TRAK1: variants seen among roughly 807,000 people sequenced by gnomAD.
TRAK1 encodes the protein trafficking kinesin-binding protein 1.
Under a neutral mutation model 92.1 loss-of-function variants are expected in TRAK1, and 33 were observed. The ratio of observed to expected loss-of-function variants is 0.36; its 90% CI spans 0.27 to 0.48. The LOEUF (loss-of-function observed/expected upper bound fraction) is 0.48, where lower values mean the gene tolerates loss of function less well. Ranked by LOEUF, TRAK1 falls within the 20% of genes least tolerant of loss-of-function variation. The pLI is 0.99. For missense variants in TRAK1, 1,123 were observed against 1,257.9 expected, an observed-to-expected ratio of 0.89 and a Z score of 1.62; for synonymous variants, 521 against 517.3, an observed-to-expected ratio of 1.01 and a Z score of -0.10.
chr3:42,058,112 A>G (rs1703272849), intron 1 of TRAK1, among the ~76,000 whole-genome samples: 1 of 152,108 alleles, frequency 6.6e-6, no homozygotes, highest in African/African-American at 2.4e-5. Context: ...CACAGTGGGC[A>G]TTTCATTGGG....
intron 2 of TRAK1, among the ~76,000 whole-genome samples, chr3:42,158,833 C>G (rs946087107): frequency 6.7e-6 from 1 of 149,456 alleles, no homozygotes; most frequent in Non-Finnish European, 1.5e-5. Flanking sequence ...GTGGCAGGTA[C>G]CTGTAGTCCC....
At chr3:42,030,553 A>G (rs139581646) in intron 1 of TRAK1, among the ~76,000 whole-genome samples, 10,957 of 148,992 alleles carry the variant, frequency 0.074, 475 homozygotes, top group Middle Eastern at 0.21. Context: ...TATGCCTGTA[A>G]TCCCAGCTAT....
intron 2 of TRAK1, among the ~76,000 whole-genome samples, chr3:42,166,591 C>G (rs1701900909): frequency 6.6e-6 from 1 of 152,194 alleles, no homozygotes; most frequent in Non-Finnish European, 1.5e-5. Flanking sequence ...TGAAATAATA[C>G]TTGTAAAATG....
At position 42,108,492 on chromosome 3, in the gene TRAK1, TAAAAAAAAA is replaced by T. The variant is rs10578367; in HGVS notation, c.92-16914_92-16906del. On this transcript the variant is annotated intron_variant, in intron 1 of 15. Coordinates refer to ENST00000327628, the MANE Select transcript of TRAK1 (RefSeq NM_001042646.3). ...GGTGACAGGAGTGAGACCCTGCCTT[TAAAAAAAAA>T]AAAAAAAAAAAAAGATTCAAACATT... Among the ~76,000 whole-genome samples, 19 of 120,234 alleles carry T rather than the reference TAAAAAAAAA, an allele frequency of 1.6e-4. No individual in the cohort carries two copies. In the South Asian group the frequency reaches 2.3e-3, roughly 14 times the overall value. The allele number at this position is 120,234 out of a possible 152,430, so 78.9% of individuals were successfully genotyped here. A position where few individuals can be genotyped will look rare whatever the true frequency, so the allele number is the denominator to read the frequency against.
At position 42,111,404 on chromosome 3, in the gene TRAK1, T is replaced by C. The variant is rs542080142; in HGVS notation, c.92-14016T>C. ...GATTAGAAGTTATGATAATCCTTTT[T>C]TTTTTTTTTGAGACGGAGTCTCACT... On this transcript the variant is annotated intron_variant, in intron 1 of 15. Transcript: ENST00000327628. Among the ~76,000 whole-genome samples, 9 of 152,168 alleles carry C rather than the reference T, an allele frequency of 5.9e-5. No individual in the cohort carries two copies. In the East Asian group the frequency reaches 1.5e-3, roughly 26 times the overall value.
chr3:42,096,614 A>G (rs991613619), intron 1 of TRAK1, among the ~76,000 whole-genome samples: 1 of 152,272 alleles, frequency 6.6e-6, no homozygotes, highest in Non-Finnish European at 1.5e-5. Flanking sequence ...GAGAAACTAA[A>G]GAAAAATGAC....
At chr3:42,134,440 G>A (rs1233076461) in intron 2 of TRAK1, among the ~76,000 whole-genome samples, 2 of 151,374 alleles carry the variant, frequency 1.3e-5, no homozygotes, top group African/African-American at 4.9e-5. Flanking sequence ...ACCATGCCCA[G>A]CTAGTTTTAA....
At chr3:42,084,593 A>G (rs945840319), upstream of TRAK1, among the ~76,000 whole-genome samples, 1 of 152,178 alleles carries the variant, frequency 6.6e-6, no homozygotes, top group Non-Finnish European at 1.5e-5. Context: ...GGCAGTGCCC[A>G]GCTTCCCTTG....
chr3:42,134,819 T>A (rs1697730786), intron 2 of TRAK1, among the ~76,000 whole-genome samples: 1 of 151,906 alleles, frequency 6.6e-6, no homozygotes, highest in Non-Finnish European at 1.5e-5. Flanking sequence ...GACCTCGTGA[T>A]CCACCCACCT....
In TRAK1 at chr3:42,175,433, A is replaced by G. The variant is rs560698964; in HGVS notation, c.287-1381A>G. 3.3e-5 allele frequency among the ~76,000 whole-genome samples: 5 copies of G among 152,182 alleles called. No homozygotes were observed. The South Asian group carries it at 1.0e-3, about 32-fold the overall frequency. On this transcript the variant is annotated intron_variant, in intron 2 of 15. Transcript: ENST00000327628. ...ATCCTGGTTTAAAGCTACCCTTATA[A>G]ATCTCCCTTGCTTCTCCCTCCCTGG...
Position 42,110,094 on chromosome 3 carries a change from GTATATATATATATATATATATA to G in TRAK1, c.92-15309_92-15288del, listed in dbSNP as rs375315730. 0.015 allele frequency among the ~76,000 whole-genome samples: 1,217 copies of G among 83,242 alleles called. 108 individuals carry two copies. In the East Asian group the frequency reaches 0.21, roughly 14 times the overall value. The allele number at this position is 83,242 out of a possible 152,430, so 54.6% of individuals were successfully genotyped here. ...GTGCACATGTACCCTAGAACTTAAA[GTATATATATATATATATATATA>G]TATATATATATATATAAACTTTGTG... On this transcript the variant is annotated intron_variant, in intron 1 of 15. Coordinates refer to ENST00000327628, the MANE Select transcript of TRAK1 (RefSeq NM_001042646.3).
At chr3:42,152,253 A>T (rs1700043259) in intron 2 of TRAK1, among the ~76,000 whole-genome samples, 1 of 152,238 alleles carries the variant, frequency 6.6e-6, no homozygotes, top group Non-Finnish European at 1.5e-5. Context: ...ACAGGGGCTT[A>T]TAATAATAAG....
intron 2 of TRAK1, among the ~76,000 whole-genome samples, chr3:42,158,766 AC>A (rs980713131): frequency 7.5e-6 from 1 of 133,156 alleles, no homozygotes; most frequent in African/African-American, 3.0e-5. Context: ...ACACGGTGAA[AC>A]CCCGTCTCCA....
intron 13 of TRAK1, chr3:42,203,768 C>A (rs2149482458): frequency 6.2e-6 from 6 of 967,280 alleles, no homozygotes; most frequent in East Asian, 1.1e-4. Flanking sequence ...CCTAATCACC[C>A]CCCAAAGACA....
intron 3 of TRAK1, among the ~76,000 whole-genome samples, chr3:42,179,442 A>G (rs1433369279): frequency 6.6e-6 from 1 of 152,200 alleles, no homozygotes; most frequent in African/African-American, 2.4e-5. Flanking sequence ...TTCTGGTTTT[A>G]AGGGGAAGAG....
chr3:42,194,749 G>A, intron 9 of TRAK1, 55 bp from the exon 10 acceptor site: 7 of 1,597,810 alleles, frequency 4.4e-6, no homozygotes, highest in Non-Finnish European at 4.3e-6. Flanking sequence ...GGGCAGATGT[G>A]TGTACACCTG....
At chr3:42,193,750 T>G in intron 8 of TRAK1, 74 bp from the exon 9 acceptor site, 2 of 1,431,896 alleles carry the variant, frequency 1.4e-6, no homozygotes, top group Non-Finnish European at 2.0e-6. Context: ...CATTACAGAT[T>G]AGGTTAATAA....
upstream of TRAK1, among the ~76,000 whole-genome samples, chr3:42,083,750 C>G (rs1704538262): frequency 6.6e-6 from 1 of 152,110 alleles, no homozygotes; most frequent in Admixed American, 6.5e-5. Context: ...TGGTGTGCGC[C>G]TGTAGTCTCA....
intron 3 of TRAK1, among the ~76,000 whole-genome samples, chr3:42,183,929 T>G (rs1048730964): frequency 6.6e-5 from 10 of 152,168 alleles, no homozygotes; most frequent in Admixed American, 5.9e-4. Context: ...CACTCCAAAT[T>G]TTCCTCTGTA....
Sources: allele counts gnomAD v4.1 joint callset (sites outside exome capture counted in the v4.1 genomes callset), GRCh38; gene constraint gnomAD v4.1.1; transcripts MANE v1.5; gene names NCBI Gene and HGNC (gene_info 2026-07-23, HGNC 2026-07-21).